The following NES variants were observed in gnomAD, a reference collection of about 807,000 sequenced individuals.
NES encodes the protein nestin.
A neutral mutation model predicts 35.6 loss-of-function variants in NES; 27 were observed. The observed-to-expected ratio is 0.76, with a 90% CI of 0.56 to 1.04. The LOEUF (loss-of-function observed/expected upper bound fraction) is 1.04, where lower values mean the gene tolerates loss of function less well. Among genes scored for constraint, NES ranks in the 50% least tolerant of loss-of-function variants. The probability of loss-of-function intolerance (pLI) is 0.00; values close to 1 mark genes in which losing one functional copy is unlikely to be tolerated. For missense variants in NES, 1,867 were observed against 1,983.6 expected (o/e 0.94, Z 1.12); for synonymous variants, 822 against 824.2 (o/e 1.00, Z 0.04).
In NES at chr1:156,670,885, C is replaced by CCCCCCCCCCCGG; in HGVS notation, c.3302_3303insCCGGGGGGGGGG (p.Pro1101_Gly1102insArgGlyGlyGly). 1.2e-5 allele frequency: 19 copies of CCCCCCCCCCCGG among 1,594,206 alleles called. No individual in the cohort carries two copies. Among genetic ancestry groups the CCCCCCCCCCCGG allele is most frequent in the Non-Finnish European group, 1.5e-5 (17 of 1,162,900 alleles). ...CCCCCAGCCCTCCCACCCCCTGCCC[C>CCCCCCCCCCCGG]GGGCCTGGCTCAGCTCCCGCAGCAG... On this transcript the variant is annotated inframe_insertion, in exon 4 of 4. Transcript: ENST00000368223.
In NES at chr1:156,670,133, CCCT is replaced by C; in HGVS notation, c.4052_4054del (p.Glu1351del). 2 of 1,614,060 alleles carry C rather than the reference CCCT, an allele frequency of 1.2e-6. No homozygotes were observed. The highest frequency in any genetic ancestry group is 1.7e-6 in the Non-Finnish European group (2 of 1,180,008). On this transcript the variant is annotated inframe_deletion, in exon 4 of 4. Coordinates refer to ENST00000368223, the MANE Select transcript of NES (RefSeq NM_006617.2). The stretch of plus-strand genomic sequence containing the variant: ...GCCACACTCCTCTTCTCCCTCCTCC[CCCT>C]CCTCCTTTTCTGAGGGTGGGGCCTC...
chr1:156,669,585 C>T lies in NES; in HGVS notation c.4603G>A (p.Val1535Ile). 3 of 1,614,092 alleles carry T rather than the reference C, an allele frequency of 1.9e-6. No homozygotes were observed. Among genetic ancestry groups the T allele is most frequent in the South Asian group, 1.1e-5 (1 of 91,076 alleles). ...DAGPGADIIG[V>I]NGQGPNLEGK... The stretch of plus-strand genomic sequence containing the variant: ...TCCAAGTTGGGACCCTGGCCATTAA[C>T]ACCAATGATGTCTGCCCCTGGGCCT... The change falls in exon 4 of 4, where the codon GTT becomes ATT. Residue 1535 changes from valine (V) to isoleucine (I), a missense_variant. Transcript: ENST00000368223.
intron 1 of NES, 31 bp from the exon 2 acceptor site, chr1:156,675,371 G>A (rs1309260981): frequency 1.9e-6 from 3 of 1,580,294 alleles, no homozygotes; most frequent in Middle Eastern, 1.9e-4. Flanking sequence ...AGTCAGTGGA[G>A]GGGCTGGGGT....
rs1647292582 is a variant in NES, at chr1:156,676,464, G to C, written c.783+18C>G. ...GCTTTCTGGGACTTTCTCTCACCCA[G>C]GCCCTCAACCTCCTCACCTGGAACT... On this transcript the variant is annotated intron_variant, in intron 1 of 3. Coordinates refer to ENST00000368223, the MANE Select transcript of NES (RefSeq NM_006617.2). This position sits in a 1 kb window ranked among gnomAD's most constrained non-coding sequence, Gnocchi z 5.3. 1 of 1,596,538 alleles carries C rather than the reference G, an allele frequency of 6.3e-7. No homozygotes were observed. The highest frequency in any genetic ancestry group is 1.1e-5 in the South Asian group (1 of 90,546).
At position 156,670,473 on chromosome 1, in the gene NES, C is replaced by T. The variant is rs200191371; in HGVS notation, c.3715G>A (p.Ala1239Thr). 6.3e-5 allele frequency: 99 copies of T among 1,573,796 alleles called. No homozygotes were observed. In the East Asian group the frequency reaches 2.2e-3, roughly 35 times the overall value. The change falls in exon 4 of 4, where the codon GCT (alanine) becomes ACT (threonine). Residue 1239 changes from alanine (A) to threonine (T), a missense_variant. By Grantham distance (58) the Ala-to-Thr change is moderately conservative. Transcript: ENST00000368223. ...LEDAPGPQPQ[A>T]EGSQEASWGV... is the part of the protein sequence containing the mutation. The stretch of plus-strand genomic sequence containing the variant: ...CAGCTAGCCTCCTGACTCCCTTCAG[C>T]CTGAGGCTGAGGCCCAGGGGCATCT...
Position 156,671,463 on chromosome 1 carries a change from C to T in NES, c.2725G>A (p.Val909Ile). Reference protein sequence around the residue: ...NLENLRSPEEVDKESQRNLEE... With the variant: ...NLENLRSPEEIDKESQRNLEE... ...AGATTCCTTTGACTTTCCTTGTCTA[C>T]CTCCTCTGGAGATCTCAAATTCTCC... is the stretch of plus-strand genomic sequence containing the variant. The change falls in exon 4 of 4, where the codon GTA becomes ATA. Residue 909 changes from valine to isoleucine, a missense_variant. Val to Ile is a conservative substitution (Grantham distance 29). Coordinates refer to ENST00000368223, the MANE Select transcript of NES (RefSeq NM_006617.2). 1 of 1,614,032 alleles carries T rather than the reference C, an allele frequency of 6.2e-7. No homozygotes were observed. Among genetic ancestry groups the T allele is most frequent in the Non-Finnish European group, 8.5e-7 (1 of 1,180,044 alleles).
Position 156,671,332 on chromosome 1 carries a change from T to G in NES, c.2856A>C (p.Glu952Asp), listed in dbSNP as rs1679726769. The change falls in exon 4 of 4, where the codon GAA becomes GAC. Residue 952 changes from glutamate to aspartate, a missense_variant. Glu to Asp is a conservative substitution (Grantham distance 45, BLOSUM62 2). Transcript: ENST00000368223. ...GTTCTTGGTCCTTCTCCACCGTATC[T>G]TCCCACCTCTGCACATCTGCAGACT... is the stretch of plus-strand genomic sequence containing the variant. ...LPQSADVQRWEDTVEKDQELA... is the reference protein window; with the variant it reads ...LPQSADVQRWDDTVEKDQELA... 5 of 1,614,134 alleles carry G rather than the reference T, an allele frequency of 3.1e-6. No individual in the cohort carries two copies. The highest frequency in any genetic ancestry group is 4.2e-6 in the Non-Finnish European group (5 of 1,180,028).
rs527368452 is a variant in NES at position 156,669,078 on chromosome 1, T to C, written c.*244A>G. The C allele has an allele frequency of 5.1e-6, 2 of 391,812 alleles. No homozygotes were observed. The highest frequency in any genetic ancestry group is 1.0e-4 in the South Asian group (1 of 9,980). 24.3% of individuals were successfully genotyped at this position (391,812 alleles called of 1,614,324 possible). ...ATCGGGATTCAGCTGACTTAGCCTATGAGATGGAGCAGGCAAGAGATTCCC... is the reference window on the plus strand; with the variant it reads ...ATCGGGATTCAGCTGACTTAGCCTACGAGATGGAGCAGGCAAGAGATTCCC... On this transcript the variant is annotated 3_prime_UTR_variant, in exon 4 of 4. Transcript: ENST00000368223.
At chr1:156,673,991 C>A (rs1056812850) in intron 2 of NES, among the ~76,000 whole-genome samples, 2 of 152,122 alleles carry the variant, frequency 1.3e-5, no homozygotes, top group Non-Finnish European at 2.9e-5. Flanking sequence ...GGGATGGGCT[C>A]CCTCCTCCTT....
In NES at chr1:156,672,292, A is replaced by T. The variant is rs752981384; in HGVS notation, c.1896T>A (p.Asn632Lys). 2 of 1,603,220 alleles carry T rather than the reference A, an allele frequency of 1.2e-6. No homozygotes were observed. Among genetic ancestry groups the T allele is most frequent in the Admixed American group, 1.8e-5 (1 of 56,780 alleles). ...TQTLQSLQKE[N>K]QELMKSLEGN... is the part of the protein sequence containing the mutation. ...CTTCAAGAGATTTCATTAGTTCTTG[A>T]TTCTCCTTTTGCAGGGATTGCAATG... Residue 632 changes from asparagine (N) to lysine (K), a missense_variant, in exon 4 of 4, where the codon AAT becomes AAA. Physicochemically the swap from Asn to Lys is moderately conservative, Grantham distance 94 (BLOSUM62 0). Coordinates refer to ENST00000368223, the MANE Select transcript of NES (RefSeq NM_006617.2).
In NES at chr1:156,669,222, C is replaced by T. The variant is rs956878023; in HGVS notation, c.*100G>A. The T allele has an allele frequency of 2.2e-5, 17 of 777,984 alleles. No homozygotes were observed. Among genetic ancestry groups the T allele is most frequent in the South Asian group, 1.7e-4 (7 of 42,380 alleles). 48.2% of individuals were successfully genotyped at this position (777,984 alleles called of 1,614,324 possible). A position where few individuals can be genotyped will look rare whatever the true frequency, so the allele number is the denominator to read the frequency against. ...AGCCAGAAACCATATGTCAAGAGAT[C>T]GTAAGTTAAGAGTGCTGCTCCTGAG... On this transcript the variant is annotated 3_prime_UTR_variant, in exon 4 of 4. Transcript: ENST00000368223.
rs748925447 is a variant in NES, at chr1:156,677,313, A to T, written c.-49T>A. The T allele has an allele frequency of 7.0e-7, 1 of 1,424,296 alleles. No individual in the cohort carries two copies. Among genetic ancestry groups the T allele is most frequent in the East Asian group, 2.9e-5 (1 of 34,838 alleles). The allele number at this position is 1,424,296 out of a possible 1,614,324, so 88.2% of individuals were successfully genotyped here. A position where few individuals can be genotyped will look rare whatever the true frequency, so the allele number is the denominator to read the frequency against. On this transcript the variant is annotated 5_prime_UTR_variant, in exon 1 of 4. Coordinates refer to ENST00000368223, the MANE Select transcript of NES (RefSeq NM_006617.2). This position sits in a 1 kb window ranked among gnomAD's most constrained non-coding sequence, Gnocchi z 4.5. The stretch of plus-strand genomic sequence containing the variant: ...ATGGACAGACGCGGGGCACCGGGAG[A>T]AGGGAGCGGCTCGCAGAGCTTTTAG...
chr1:156,669,282 CG>C lies in NES; in HGVS notation c.*39del. ...GGCTTGGAGGCGTCCTTCCCCTCCC[CG>C]CACCCCTAAGTCCCCAGTGCCGGGC... On this transcript the variant is annotated 3_prime_UTR_variant, in exon 4 of 4. Transcript: ENST00000368223. 1 of 1,443,876 alleles carries C rather than the reference CG, an allele frequency of 6.9e-7. No individual in the cohort carries two copies. 89.4% of individuals were successfully genotyped at this position (1,443,876 alleles called of 1,614,324 possible).
Position 156,677,240 on chromosome 1 carries a change from A to T in NES, c.25T>A (p.Ser9Thr), listed in dbSNP as rs774233165. Residue 9 changes from serine to threonine, a missense_variant, in exon 1 of 4, where the codon TCG (serine) becomes ACG (threonine). Physicochemically the swap from Ser to Thr is moderately conservative, Grantham distance 58 (BLOSUM62 1). Coordinates refer to ENST00000368223, the MANE Select transcript of NES (RefSeq NM_006617.2). This position sits in a 1 kb window ranked among gnomAD's most constrained non-coding sequence, Gnocchi z 4.5. ...CGATTGAGCTCCCACATCTGAAACG[A>T]CTCCTCCCCCATGCAGCCCTCCATC... MEGCMGEE[S>T]FQMWELNRRL... 1 of 1,610,074 alleles carries T rather than the reference A, an allele frequency of 6.2e-7. No individual in the cohort carries two copies. The highest frequency in any genetic ancestry group is 8.5e-7 in the Non-Finnish European group (1 of 1,179,184).
chr1:156,671,804 A>C lies in NES; in HGVS notation c.2384T>G (p.Ile795Arg). ...ATTCTCATTTTCAAGAGGTCTAGCT[A>C]TCTCCTGGTCAAGAGACTTCAGTGG... ...LEPLKSLDQE[I>R]ARPLENENQE... Residue 795 changes from isoleucine to arginine, a missense_variant, in exon 4 of 4, where the codon ATA becomes AGA. By Grantham distance (97) the Ile-to-Arg change is moderately conservative. Coordinates refer to ENST00000368223, the MANE Select transcript of NES (RefSeq NM_006617.2). 1.2e-6 allele frequency: 2 copies of C among 1,613,998 alleles called. No individual in the cohort carries two copies. Among genetic ancestry groups the C allele is most frequent in the South Asian group, 1.1e-5 (1 of 91,078 alleles).
chr1:156,673,377 G>T, intron 3 of NES, 77 bp downstream of exon 3: 1 of 1,432,980 alleles, frequency 7.0e-7, no homozygotes, highest in Non-Finnish European at 9.7e-7. Flanking sequence ...TTAGATTGGT[G>T]CCTCTCGGGA....
At position 156,671,287 on chromosome 1, in the gene NES, A is replaced by G; in HGVS notation, c.2901T>C (p.Pro967=). The G allele has an allele frequency of 6.2e-7, 1 of 1,614,058 alleles. No individual in the cohort carries two copies. The highest frequency in any genetic ancestry group is 2.2e-5 in the East Asian group (1 of 44,874). ...CCTCATTTTCCACTCCAGCCATCCC[A>G]GGAGGGCTTTCCTGAGCCAGTTCTT... ...KDQELAQESP[P]GMAGVENEDE... The change falls in exon 4 of 4, where the codon CCT becomes CCC. Residue 967 remains proline (P), a synonymous_variant. Coordinates refer to ENST00000368223, the MANE Select transcript of NES (RefSeq NM_006617.2).
chr1:156,669,257 G>T lies in NES; in HGVS notation c.*65C>A. 2 of 1,146,890 alleles carry T rather than the reference G, an allele frequency of 1.7e-6. No homozygotes were observed. Among genetic ancestry groups the T allele is most frequent in the Non-Finnish European group, 2.5e-6 (2 of 809,276 alleles). The allele number at this position is 1,146,890 out of a possible 1,614,324, so 71.0% of individuals were successfully genotyped here. On this transcript the variant is annotated 3_prime_UTR_variant, in exon 4 of 4. Transcript: ENST00000368223. ...GAGTGCTGCTCCTGAGCAGGGAGCG[G>T]GCTTGGAGGCGTCCTTCCCCTCCCC...
At position 156,672,208 on chromosome 1, in the gene NES, C is replaced by T. The variant is rs149475722; in HGVS notation, c.1980G>A (p.Leu660=). The T allele has an allele frequency of 1.6e-4, 263 of 1,605,946 alleles. 2 individuals are homozygous for T. Among genetic ancestry groups the T allele is most frequent in the African/African-American group, 5.7e-4 (42 of 74,326 alleles). Residue 660 remains leucine (L), a synonymous_variant, in exon 4 of 4, where the codon CTG becomes CTA. Coordinates refer to ENST00000368223, the MANE Select transcript of NES (RefSeq NM_006617.2). ...GTENQELVSS[L]QENLESLTAL... is the part of the protein sequence containing the mutation. ...CTGTCAATGACTCTAAGTTCTCTTGCAGAGAACTTACTAATTCTTGATTTT... is the reference window on the plus strand; with the variant it reads ...CTGTCAATGACTCTAAGTTCTCTTGTAGAGAACTTACTAATTCTTGATTTT...
Sources: gnomAD v4.1 joint callset for allele counts (sites outside exome capture counted in the v4.1 genomes callset) on GRCh38, gnomAD v4.1.1 for gene constraint, Gnocchi (gnomAD v3.1) non-coding constraint, MANE v1.5 for transcripts, NCBI Gene and HGNC (gene_info 2026-07-23, HGNC 2026-07-21) for gene names.